The following MARCHF1 variants were observed in gnomAD, a reference collection of about 807,000 sequenced individuals.
MARCHF1 encodes the protein E3 ubiquitin-protein ligase MARCHF1.
A neutral mutation model predicts 54.2 loss-of-function variants in MARCHF1; 40 were observed. The ratio of observed to expected loss-of-function variants is 0.74; its 90% CI spans 0.57 to 0.96. The LOEUF is 0.96. Among genes scored for constraint, MARCHF1 ranks in the 40% least tolerant of loss-of-function variants. The pLI, the probability that MARCHF1 is intolerant of heterozygous loss-of-function variation, is 0.00. For missense variants in MARCHF1, 586 were observed against 656.5 expected (o/e 0.89, Z 1.17); for synonymous variants, 236 against 236.3 (o/e 1.00, Z 0.01).
chr4:164,322,896 TGAA>T (rs1290045617), intron 1 of MARCHF1, among the ~76,000 whole-genome samples: 1 of 151,870 alleles, frequency 6.6e-6, no homozygotes, highest in Non-Finnish European at 1.5e-5. Flanking sequence ...TCCATAAACT[TGAA>T]GATACCTAAA....
chr4:164,367,922 T>A (rs1390750966), intron 1 of MARCHF1, among the ~76,000 whole-genome samples: 1 of 151,922 alleles, frequency 6.6e-6, no homozygotes, highest in Non-Finnish European at 1.5e-5. Flanking sequence ...TCAAACACTA[T>A]ATGTATATCA....
intron 1 of MARCHF1, among the ~76,000 whole-genome samples, chr4:164,347,704 T>C (rs1730146821): frequency 6.6e-6 from 1 of 152,160 alleles, no homozygotes; most frequent in Non-Finnish European, 1.5e-5. Flanking sequence ...AGAACAGTAC[T>C]GAGGAAAAAT....
intron 2 of MARCHF1, among the ~76,000 whole-genome samples, chr4:164,034,110 G>C (rs866010629): frequency 7.1e-6 from 1 of 141,770 alleles, no homozygotes; most frequent in Admixed American, 7.0e-5. Flanking sequence ...TAGATAGATA[G>C]ATAGATAGAG....
intron 4 of MARCHF1, among the ~76,000 whole-genome samples, chr4:163,852,778 G>A (rs1223932343): frequency 2.0e-5 from 3 of 152,078 alleles, no homozygotes; most frequent in African/African-American, 7.2e-5. Flanking sequence ...ATTCAAGGTC[G>A]CTATTTCTAT....
chr4:164,321,683 A>C (rs1014684765), intron 1 of MARCHF1, among the ~76,000 whole-genome samples: 1 of 152,132 alleles, frequency 6.6e-6, no homozygotes, highest in African/African-American at 2.4e-5. Flanking sequence ...TTAAAGGAAG[A>C]ATTTTGAGAA....
At chr4:164,352,646 G>A (rs994972441) in intron 1 of MARCHF1, among the ~76,000 whole-genome samples, 19 of 150,462 alleles carry the variant, frequency 1.3e-4, no homozygotes, top group South Asian at 2.2e-4. Context: ...GGTACCAGCC[G>A]CTGCAAAATC....
intron 1 of MARCHF1, among the ~76,000 whole-genome samples, chr4:164,236,988 A>T (rs1303978321): frequency 6.6e-6 from 1 of 152,164 alleles, no homozygotes; most frequent in African/African-American, 2.4e-5. Flanking sequence ...TCAGCAATAC[A>T]GGACTCTACT....
chr4:163,867,286 T>G (rs1750073781), intron 3 of MARCHF1, among the ~76,000 whole-genome samples: 1 of 151,946 alleles, frequency 6.6e-6, no homozygotes, highest in African/African-American at 2.4e-5. Context: ...CATAAAGTGA[T>G]GACAAAAAGA....
At position 164,136,272 on chromosome 4, in the gene MARCHF1, G is replaced by GAAA. The variant is rs5863663; in HGVS notation, c.-322-24613_-322-24611dup. 9.9e-5 allele frequency among the ~76,000 whole-genome samples: 12 copies of GAAA among 121,486 alleles called. 1 individual carries two copies. The highest frequency in any genetic ancestry group is 5.7e-4 in the South Asian group (2 of 3,536). 79.7% of individuals were successfully genotyped at this position (121,486 alleles called of 152,430 possible). ...TAAGTTCCAGCAAACAGTTGAAGTG[G>GAAA]AAAAAAAAAAAAAAAAAGCCAAGAA... is the stretch of plus-strand genomic sequence containing the variant. On this transcript the variant is annotated intron_variant, in intron 1 of 9. Coordinates refer to ENST00000514618, the MANE Select transcript of MARCHF1 (RefSeq NM_001394959.1).
chr4:164,345,758 G>GT (rs1272513069), intron 1 of MARCHF1, among the ~76,000 whole-genome samples: 1 of 151,770 alleles, frequency 6.6e-6, no homozygotes, highest in Admixed American at 6.6e-5. Context: ...ACTAGATATT[G>GT]TTGTGGTATT....
chr4:163,903,961 C>T (rs1751000015), intron 3 of MARCHF1, among the ~76,000 whole-genome samples: 1 of 152,078 alleles, frequency 6.6e-6, no homozygotes, highest in Non-Finnish European at 1.5e-5. Context: ...TAAATAAAAG[C>T]TATCTAAATA....
At chr4:163,869,318 A>G (rs1417339938) in intron 3 of MARCHF1, among the ~76,000 whole-genome samples, 1 of 152,110 alleles carries the variant, frequency 6.6e-6, no homozygotes, top group African/African-American at 2.4e-5. Context: ...GTTCTTTAGG[A>G]AATTTGTCAC....
chr4:163,792,795 T>C (rs541800868), intron 4 of MARCHF1, among the ~76,000 whole-genome samples: 1 of 152,318 alleles, frequency 6.6e-6, no homozygotes, highest in South Asian at 2.1e-4. Context: ...TTGTCAGTTT[T>C]AAGGGAAAGT....
chr4:164,321,958 G>A (rs924699621), intron 1 of MARCHF1, among the ~76,000 whole-genome samples: 9 of 151,974 alleles, frequency 5.9e-5, no homozygotes, highest in Admixed American at 5.9e-4. Context: ...TAATCCTCAT[G>A]AGAAAGTCAT....
intron 8 of MARCHF1, chr4:163,555,841 C>CCT: frequency 4.6e-6 from 2 of 430,864 alleles, no homozygotes; most frequent in South Asian, 3.2e-5. Flanking sequence ...GGGCTCTTCG[C>CCT]CTCTTACCTC....
intron 3 of MARCHF1, among the ~76,000 whole-genome samples, chr4:163,893,881 T>C (rs1269248941): frequency 2.0e-5 from 3 of 151,926 alleles, no homozygotes; most frequent in African/African-American, 4.8e-5. Context: ...CACCAATACA[T>C]CAAAGAAGTG....
intron 3 of MARCHF1, among the ~76,000 whole-genome samples, chr4:163,927,024 T>C (rs1450517373): frequency 6.6e-6 from 1 of 151,812 alleles, no homozygotes; most frequent in Non-Finnish European, 1.5e-5. Context: ...AAATGCTACA[T>C]ACACTTCCAA....
chr4:163,540,750 G>A (rs1277382335), intron 9 of MARCHF1, among the ~76,000 whole-genome samples: 4 of 152,164 alleles, frequency 2.6e-5, no homozygotes, highest in African/African-American at 9.7e-5. Context: ...GGCTGGGTGC[G>A]GTGGCTCACG....
chr4:164,140,728 C>G (rs1756511675), intron 1 of MARCHF1, among the ~76,000 whole-genome samples: 1 of 150,444 alleles, frequency 6.6e-6, no homozygotes, highest in Non-Finnish European at 1.5e-5. Context: ...TTGATGGAAC[C>G]CCCAGTGTTT....
Sources: gnomAD v4.1 joint callset for allele counts (sites outside exome capture counted in the v4.1 genomes callset) on GRCh38, gnomAD v4.1.1 for gene constraint, MANE v1.5 for transcripts, NCBI Gene and HGNC (gene_info 2026-07-23, HGNC 2026-07-21) for gene names.